ALPK1: variants seen among roughly 807,000 people sequenced by gnomAD.
The protein encoded by ALPK1 is alpha kinase 1, also known as alpha-protein kinase 1.
Under a neutral mutation model 120.6 loss-of-function variants are expected in ALPK1, and 110 were observed. That is an observed-to-expected ratio of 0.91 (90% CI 0.78 to 1.07). The LOEUF is 1.07. Ranked by LOEUF, ALPK1 falls within the 50% of genes least tolerant of loss-of-function variation. The probability of loss-of-function intolerance (pLI) is 0.00; values close to 1 mark genes in which losing one functional copy is unlikely to be tolerated. For synonymous variants in ALPK1, 582 were observed against 560.3 expected (o/e 1.04, Z -0.55); for missense variants, 1,498 against 1,483.9 (o/e 1.01, Z -0.16).
intron 14 of ALPK1, among the ~76,000 whole-genome samples, chr4:112,440,331 A>G (rs231252): frequency 0.29 from 43,909 of 151,916 alleles, 6,688 homozygotes; most frequent in East Asian, 0.42. Flanking sequence ...CTTAAATATG[A>G]CTACTTTTCA....
At chr4:112,358,724 G>A (rs1730766616) in intron 2 of ALPK1, 10 of 778,482 alleles carry the variant, frequency 1.3e-5, no homozygotes, top group Non-Finnish European at 2.4e-5. Context: ...AGAAGATCCA[G>A]CTGGTCAGCC....
intron 5 of ALPK1, among the ~76,000 whole-genome samples, chr4:112,416,875 C>CAAA (rs56919059): frequency 5.6e-5 from 6 of 106,262 alleles, no homozygotes; most frequent in Middle Eastern, 5.1e-3. Flanking sequence ...GACCCTGTCT[C>CAAA]AAAAAAAAAA....
At chr4:112,333,856 A>G (rs1274276065) in intron 2 of ALPK1, among the ~76,000 whole-genome samples, 1 of 152,124 alleles carries the variant, frequency 6.6e-6, no homozygotes, top group African/African-American at 2.4e-5. Context: ...CAGCCTCTCT[A>G]AGAGAAGCAC....
At chr4:112,404,830 C>G (rs1213518413) in intron 4 of ALPK1, among the ~76,000 whole-genome samples, 2 of 152,112 alleles carry the variant, frequency 1.3e-5, no homozygotes, top group African/African-American at 4.8e-5. Context: ...TAATTTGATC[C>G]TTTTGAAGCT....
At chr4:112,403,267 C>T (rs1180523537) in intron 4 of ALPK1, among the ~76,000 whole-genome samples, 1 of 150,542 alleles carries the variant, frequency 6.6e-6, no homozygotes, top group African/African-American at 2.5e-5. Flanking sequence ...TGCTTTGCTG[C>T]TGAGGAATTT....
intron 2 of ALPK1, among the ~76,000 whole-genome samples, chr4:112,318,043 G>A (rs971731245): frequency 6.6e-6 from 1 of 152,088 alleles, no homozygotes; most frequent in African/African-American, 2.4e-5. Context: ...ACATTTCAGG[G>A]TATTAGGATG....
chr4:112,428,317 G>A (rs1031717183), intron 9 of ALPK1, among the ~76,000 whole-genome samples: 1 of 152,156 alleles, frequency 6.6e-6, no homozygotes, highest in Non-Finnish European at 1.5e-5. Flanking sequence ...ATGTTCTGCT[G>A]CTCTTCACAC....
chr4:112,441,200 C>T lies in ALPK1; in HGVS notation c.3728-3C>T. 6.2e-7 allele frequency: 1 copy of T among 1,602,862 alleles called. No individual in the cohort carries two copies. The highest frequency in any genetic ancestry group is 8.5e-7 in the Non-Finnish European group (1 of 1,169,750). On this transcript the variant is annotated splice_polypyrimidine_tract_variant and splice_region_variant and intron_variant, in intron 15 of 15. Transcript: ENST00000650871. ...TCGCAAATATCTGGTTCTCTCCTTC[C>T]AGGCACATAGAATACGGCACAGTCT...
chr4:112,356,231 C>CAGA lies in ALPK1; in HGVS notation c.-100-21446_-100-21444dup, dbSNP rs372952125. The CAGA allele has an allele frequency of 1.3e-4, 194 of 1,547,596 alleles. 3 individuals carry two copies. The African/African-American group carries it at 2.4e-3, about 19-fold the overall frequency. On this transcript the variant is annotated intron_variant, in intron 2 of 15. Coordinates refer to ENST00000650871, the MANE Select transcript of ALPK1 (RefSeq NM_025144.4). ...CATGACCAAGGTCCTGGAATGTCTG[C>CAGA]AGATGAATGGCATCCTGGAGAGCCC...
chr4:112,411,442 C>G (rs1733454976), intron 4 of ALPK1, among the ~76,000 whole-genome samples: 1 of 150,784 alleles, frequency 6.6e-6, no homozygotes, highest in Admixed American at 6.6e-5. Context: ...CCAGGCTGGT[C>G]TCAAAATCCA....
chr4:112,362,728 T>C (rs1353026586), intron 2 of ALPK1, among the ~76,000 whole-genome samples: 1 of 152,106 alleles, frequency 6.6e-6, no homozygotes, highest in Non-Finnish European at 1.5e-5. Flanking sequence ...TACAGGAAGC[T>C]CAAAGAACAC....
At chr4:112,335,912 T>G (rs1392017219) in intron 2 of ALPK1, among the ~76,000 whole-genome samples, 1 of 152,140 alleles carries the variant, frequency 6.6e-6, no homozygotes, top group East Asian at 1.9e-4. Context: ...TGAATGGATA[T>G]GGGAAGTGCT....
chr4:112,404,793 G>A (rs897980583), intron 4 of ALPK1, among the ~76,000 whole-genome samples: 1 of 152,106 alleles, frequency 6.6e-6, no homozygotes, highest in Non-Finnish European at 1.5e-5. Flanking sequence ...CTTGAGCTTT[G>A]TTCTGGGACT....
intron 2 of ALPK1, among the ~76,000 whole-genome samples, chr4:112,364,173 A>C (rs1397524174): frequency 6.6e-6 from 1 of 152,112 alleles, no homozygotes; most frequent in Non-Finnish European, 1.5e-5. Flanking sequence ...AGAACAAAGC[A>C]AACACAAACC....
chr4:112,317,688 C>G (rs1316306183), intron 2 of ALPK1, among the ~76,000 whole-genome samples: 2 of 152,060 alleles, frequency 1.3e-5, no homozygotes, highest in East Asian at 1.9e-4. Flanking sequence ...ATTTTTTTAG[C>G]TATTCCAAGT....
intron 5 of ALPK1, among the ~76,000 whole-genome samples, chr4:112,423,356 T>C (rs962916251): frequency 1.3e-5 from 2 of 152,106 alleles, no homozygotes; most frequent in Non-Finnish European, 2.9e-5. Flanking sequence ...AATAAGTAGT[T>C]AGAGGTGAGG....
At chr4:112,358,378 A>G (rs1228642879) in intron 2 of ALPK1, 2 of 605,722 alleles carry the variant, frequency 3.3e-6, no homozygotes, top group Non-Finnish European at 6.0e-6. Context: ...CCTGGGCTGT[A>G]GCACCCAGTT....
rs1734735522 is a variant in ALPK1 at position 112,435,155 on chromosome 4, T to G, written c.3042T>G (p.Leu1014=). Reference sequence around the variant, plus strand: ...CATCTTTTTTTTTCCCAGGTGCTCTTTTGTTAAAATATTCAAAAAAATCTG... The same window carrying G: ...CATCTTTTTTTTTCCCAGGTGCTCTGTTGTTAAAATATTCAAAAAAATCTG... The part of the protein sequence containing the change: ...PSQLHRAHSA[L]LLKYSKKSEL... Residue 1014 remains leucine, a synonymous_variant, in exon 12 of 16, where the codon CTT becomes CTG. Transcript: ENST00000650871. The G allele has an allele frequency of 6.2e-7, 1 of 1,601,856 alleles. No individual in the cohort carries two copies. Among genetic ancestry groups the G allele is most frequent in the Non-Finnish European group, 8.5e-7 (1 of 1,177,240 alleles).
At chr4:112,392,318 TCAAGA>T (rs1000894871) in intron 4 of ALPK1, among the ~76,000 whole-genome samples, 1 of 152,122 alleles carries the variant, frequency 6.6e-6, no homozygotes, top group Non-Finnish European at 1.5e-5. Flanking sequence ...GTTCCCCAAA[TCAAGA>T]CCTTGGCTTT....
Sources: gnomAD v4.1 joint callset for allele counts (sites outside exome capture counted in the v4.1 genomes callset) on GRCh38, gnomAD v4.1.1 for gene constraint, MANE v1.5 for transcripts, NCBI Gene and HGNC (gene_info 2026-07-23, HGNC 2026-07-21) for gene names.